NLRP9: variants seen among roughly 807,000 people sequenced by gnomAD.
NLRP9 encodes NLR family pyrin domain containing 9, also known as NACHT, LRR and PYD domains-containing protein 9.
In NLRP9, 88 loss-of-function variants were observed where a neutral mutation model predicts 83.1. The ratio of observed to expected loss-of-function variants is 1.06; its 90% CI spans 0.89 to 1.26. The LOEUF is 1.26. NLRP9 is among the 50% of genes most tolerant of loss of function. NLRP9 has a pLI of 0.00. For synonymous variants in NLRP9, 521 were observed against 447.6 expected, an observed-to-expected ratio of 1.16 and a Z score of -2.07; for missense variants, 1,308 against 1,179.3, an observed-to-expected ratio of 1.11 and a Z score of -1.60.
chr19:55,726,020 T>C (rs1375796190), intron 3 of NLRP9, among the ~76,000 whole-genome samples: 2 of 150,244 alleles, frequency 1.3e-5, no homozygotes, highest in East Asian at 3.9e-4. Context: ...AGCGAGACTG[T>C]CTCAGAAAAA....
Position 55,712,414 on chromosome 19 carries a change from A to G in NLRP9, c.2672+6T>C. ...TTTCCTACGATGGTGATCAGTAGAT[A>G]CTCACCCGAGACACTCTAATTTACA... On this transcript the variant is annotated splice_donor_region_variant and intron_variant, in intron 7 of 8. Transcript: ENST00000332836. 1.2e-6 allele frequency: 2 copies of G among 1,606,230 alleles called. No homozygotes were observed. The highest frequency in any genetic ancestry group is 1.7e-6 in the Non-Finnish European group (2 of 1,174,252).
At chr19:55,715,834 C>G (rs540578781) in intron 5 of NLRP9, among the ~76,000 whole-genome samples, 1 of 152,328 alleles carries the variant, frequency 6.6e-6, no homozygotes, top group South Asian at 2.1e-4. Flanking sequence ...GTCACCCATT[C>G]TTTGCAACAG....
rs59043165 is a variant in NLRP9, at chr19:55,725,843, A to AT, written c.1995-1700dup. ...GGAGTTCAAGACCACCCTGGGCAAC[A>AT]TGATGAAACCCCATCTCTACTAAAA... On this transcript the variant is annotated intron_variant, in intron 3 of 8. Transcript: ENST00000332836. Among the ~76,000 whole-genome samples, 465 of 152,188 alleles carry AT rather than the reference A, an allele frequency of 3.1e-3. 2 individuals are homozygous for AT. Among genetic ancestry groups the AT allele is most frequent in the African/African-American group, 0.011 (455 of 41,510 alleles).
intron 7 of NLRP9, 98 bp from the exon 8 acceptor site, chr19:55,712,068 G>A (rs1437836513): frequency 4.9e-6 from 6 of 1,230,794 alleles, no homozygotes; most frequent in South Asian, 2.8e-5. Context: ...CCGGCAGGAC[G>A]CTCTGCTGTC....
intron 1 of NLRP9, among the ~76,000 whole-genome samples, chr19:55,736,386 G>A (rs111829464): frequency 0.05 from 7,573 of 152,018 alleles, 250 homozygotes; most frequent in African/African-American, 0.078. Context: ...GCGAGACTCC[G>A]TCTCAAAAAA....
rs374932325 is a variant in NLRP9, at chr19:55,729,830, C to A, written c.1994+1G>T. ...AAAGGACAGGTTAACATAAAACTTA[C>A]ATGAGTTTTCGGAGTTTACAAACAG... On this transcript the variant is annotated splice_donor_variant, in intron 3 of 8. Coordinates refer to ENST00000332836, the MANE Select transcript of NLRP9 (RefSeq NM_176820.4). LOFTEE classifies it high-confidence loss of function. 4.3e-6 allele frequency: 7 copies of A among 1,609,346 alleles called. No homozygotes were observed. Among genetic ancestry groups the A allele is most frequent in the Middle Eastern group, 1.7e-4 (1 of 6,044 alleles).
Position 55,732,137 on chromosome 19 carries a change from A to G in NLRP9, c.1694T>C (p.Phe565Ser). The change falls in exon 2 of 9, where the codon TTT (phenylalanine) becomes TCT (serine). Residue 565 changes from phenylalanine (F) to serine (S), a missense_variant. Physicochemically the swap from Phe to Ser is radical, Grantham distance 155. Coordinates refer to ENST00000332836, the MANE Select transcript of NLRP9 (RefSeq NM_176820.4). Reference protein sequence around the residue: ...KEFVTKVMNFFEEVFIYIGNI... With the variant: ...KEFVTKVMNFSEEVFIYIGNI... ...ACCAATATAAATGAAAACTTCTTCA[A>G]AGAAATTCATCACTTTGGTTACAAA... The G allele has an allele frequency of 6.2e-7, 1 of 1,613,296 alleles. No individual in the cohort carries two copies. The highest frequency in any genetic ancestry group is 8.5e-7 in the Non-Finnish European group (1 of 1,179,746).
chr19:55,712,724 A>AGGAGGAGAGAAGAATGAG (rs1366291392), intron 6 of NLRP9, 134 bp from the exon 7 acceptor site: 11 of 440,746 alleles, frequency 2.5e-5, no homozygotes, highest in African/African-American at 1.3e-4. Flanking sequence ...GGGGAGGGGA[A>AGGAGGAGAGAAGAATGAG]GGAGGAGAGA....
At chr19:55,729,050 C>CTTTTTTTTT (rs374589373) in intron 3 of NLRP9, among the ~76,000 whole-genome samples, 65 of 70,178 alleles carry the variant, frequency 9.3e-4, no homozygotes, top group African/African-American at 2.8e-3. Flanking sequence ...TTTTCTTTTT[C>CTTTTTTTTT]TTTTTTTTTT....
chr19:55,709,124 T>A, intron 8 of NLRP9, 80 bp from the exon 9 acceptor site: 1 of 915,032 alleles, frequency 1.1e-6, no homozygotes, highest in Non-Finnish European at 1.6e-6. Context: ...GATGTCTACC[T>A]CTCCTCTCCT....
At chr19:55,713,578 T>TCCCTCCTCC (rs1555794008) in intron 6 of NLRP9, among the ~76,000 whole-genome samples, 10 of 101,956 alleles carry the variant, frequency 9.8e-5, no homozygotes, top group Admixed American at 8.0e-4. Context: ...GCACCTTCTC[T>TCCCTCCTCC]CCCTCCTCCC....
intron 6 of NLRP9, among the ~76,000 whole-genome samples, chr19:55,713,108 T>G (rs1013386203): frequency 6.6e-6 from 1 of 150,836 alleles, no homozygotes; most frequent in African/African-American, 2.4e-5. Flanking sequence ...CTCCTCATTA[T>G]TCTCCCTGGT....
intron 3 of NLRP9, among the ~76,000 whole-genome samples, chr19:55,729,051 T>TC: frequency 7.0e-5 from 1 of 14,296 alleles, no homozygotes; most frequent in Non-Finnish European, 1.1e-4. Context: ...TTTCTTTTTC[T>TC]TTTTTTTTTT....
Position 55,715,287 on chromosome 19 carries a change from C to G in NLRP9, c.2331-62G>C, listed in dbSNP as rs1335920281. On this transcript the variant is annotated intron_variant, in intron 5 of 8. Coordinates refer to ENST00000332836, the MANE Select transcript of NLRP9 (RefSeq NM_176820.4). ...AGCAGTACATCATTCTGCAGAGAAA[C>G]ACACCATCTCCCAGCCCACTGAAGC... 3 of 1,413,404 alleles carry G rather than the reference C, an allele frequency of 2.1e-6. No individual in the cohort carries two copies. The Admixed American group carries it at 5.9e-5, about 28-fold the overall frequency. The allele number at this position is 1,413,404 out of a possible 1,614,324, so 87.6% of individuals were successfully genotyped here. A position where few individuals can be genotyped will look rare whatever the true frequency, so the allele number is the denominator to read the frequency against.
intron 3 of NLRP9, among the ~76,000 whole-genome samples, chr19:55,726,466 T>G (rs73933321): frequency 0.018 from 2,739 of 152,258 alleles, 91 homozygotes; most frequent in African/African-American, 0.063. Flanking sequence ...TTGAGTCCAA[T>G]GCCTCCCCAG....
chr19:55,732,429 G>T lies in NLRP9; in HGVS notation c.1402C>A (p.Pro468Thr). Reference protein sequence around the residue: ...LLKRPKDDPNPAIGSITQLVR... With the variant: ...LLKRPKDDPNTAIGSITQLVR... ...AGCTGGGTTATGCTTCCAATGGCCG[G>T]GTTAGGATCGTCTTTGGGTCGTTTG... Residue 468 changes from proline (P) to threonine (T), a missense_variant, in exon 2 of 9, where the codon CCG (proline) becomes ACG (threonine). Pro to Thr is a conservative substitution (Grantham distance 38). Transcript: ENST00000332836. 6.2e-7 allele frequency: 1 copy of T among 1,614,214 alleles called. No individual in the cohort carries two copies. The highest frequency in any genetic ancestry group is 8.5e-7 in the Non-Finnish European group (1 of 1,180,042).
At chr19:55,719,994 A>G (rs747841984) in intron 4 of NLRP9, among the ~76,000 whole-genome samples, 3 of 152,236 alleles carry the variant, frequency 2.0e-5, no homozygotes, top group South Asian at 4.1e-4. Context: ...TTAACATGTA[A>G]AAGAACAAAA....
intron 4 of NLRP9, 118 bp from the exon 5 acceptor site, chr19:55,717,016 C>A: frequency 1.1e-5 from 7 of 653,218 alleles, no homozygotes; most frequent in Non-Finnish European, 1.8e-5. Context: ...CCATTATCTA[C>A]ACTACAGACT....
intron 3 of NLRP9, among the ~76,000 whole-genome samples, chr19:55,726,321 TAGA>T (rs945772351): frequency 3.9e-5 from 6 of 152,134 alleles, no homozygotes; most frequent in African/African-American, 1.4e-4. Context: ...CAAACTAAAA[TAGA>T]AGAGTTGATT....
Sources: gnomAD v4.1 joint callset for allele counts (sites outside exome capture counted in the v4.1 genomes callset) on GRCh38, gnomAD v4.1.1 for gene constraint, MANE v1.5 for transcripts, NCBI Gene and HGNC (gene_info 2026-07-23, HGNC 2026-07-21) for gene names.